Variants in AKAP6 observed in about 807,000 individuals in gnomAD.
AKAP6 encodes A-kinase anchoring protein 6.
AKAP6 carries 58 observed loss-of-function variants against 188.5 expected under a neutral mutation model. That is an observed-to-expected ratio of 0.31 (90% confidence interval 0.25 to 0.38). The LOEUF is 0.38. Among genes scored for constraint, AKAP6 ranks in the 10% least tolerant of loss-of-function variants. The probability of loss-of-function intolerance (pLI) is 1.00; values close to 1 mark genes in which losing one functional copy is unlikely to be tolerated. For missense variants in AKAP6, 2,710 were observed against 2,740.0 expected, an observed-to-expected ratio of 0.99 and a Z score of 0.24; for synonymous variants, 989 against 998.6, an observed-to-expected ratio of 0.99 and a Z score of 0.18.
intron 13 of AKAP6, among the ~76,000 whole-genome samples, chr14:32,828,414 A>T (rs1371465625): frequency 1.3e-5 from 2 of 152,134 alleles, no homozygotes; most frequent in Non-Finnish European, 2.9e-5. Flanking sequence ...GTTTTGCTGG[A>T]TGTGAAGTGT....
At chr14:32,523,727 C>T (rs1430134479) in intron 2 of AKAP6, among the ~76,000 whole-genome samples, 1 of 146,730 alleles carries the variant, frequency 6.8e-6, no homozygotes, top group Admixed American at 6.9e-5. Flanking sequence ...CTCAGCCTCT[C>T]AAAGTGCCAG....
At chr14:32,572,555 A>C (rs905908472) in intron 4 of AKAP6, among the ~76,000 whole-genome samples, 1 of 152,204 alleles carries the variant, frequency 6.6e-6, no homozygotes, top group Non-Finnish European at 1.5e-5. Context: ...TATTTAACCA[A>C]ACAAGGCTTG....
At chr14:32,501,305 C>A (rs1365848812) in intron 2 of AKAP6, among the ~76,000 whole-genome samples, 1 of 152,066 alleles carries the variant, frequency 6.6e-6, no homozygotes, top group Non-Finnish European at 1.5e-5. Flanking sequence ...TCAATTTGGA[C>A]TAGCAAAAAC....
intron 12 of AKAP6, among the ~76,000 whole-genome samples, chr14:32,813,476 C>T (rs370773185): frequency 6.7e-6 from 1 of 149,356 alleles, no homozygotes. Flanking sequence ...TGGTGACCAC[C>T]CCCAACCTGA....
intron 2 of AKAP6, among the ~76,000 whole-genome samples, chr14:32,530,558 C>A (rs556288496): frequency 2.0e-5 from 3 of 151,990 alleles, no homozygotes; most frequent in African/African-American, 7.2e-5. Flanking sequence ...CACAGGGAAA[C>A]CTTTAAGATG....
chr14:32,732,439 C>T lies in AKAP6; in HGVS notation c.3001-15C>T, dbSNP rs1313252798. ...TCTCTCCCTAATGATATCTCTTTTT[C>T]TCTTTTCATTTTAGCGATACAGTGT... On this transcript the variant is annotated splice_polypyrimidine_tract_variant and intron_variant, in intron 9 of 13. Coordinates refer to ENST00000280979, the MANE Select transcript of AKAP6 (RefSeq NM_004274.5). 1 of 1,602,268 alleles carries T rather than the reference C, an allele frequency of 6.2e-7. No homozygotes were observed. The highest frequency in any genetic ancestry group is 8.5e-7 in the Non-Finnish European group (1 of 1,175,602).
intron 9 of AKAP6, among the ~76,000 whole-genome samples, chr14:32,720,506 T>C (rs1412255412): frequency 6.6e-6 from 1 of 152,224 alleles, no homozygotes; most frequent in Non-Finnish European, 1.5e-5. Context: ...ACTGTTGTGT[T>C]TGAAGTTTGC....
intron 12 of AKAP6, chr14:32,774,132 C>T (rs2032983491): frequency 1.9e-6 from 1 of 525,418 alleles, no homozygotes; most frequent in Non-Finnish European, 3.4e-6. Context: ...TATTAAAATT[C>T]CTTTAGTGTA....
intron 1 of AKAP6, among the ~76,000 whole-genome samples, chr14:32,341,236 G>A (rs12435388): frequency 9.2e-5 from 14 of 151,888 alleles, no homozygotes; most frequent in Non-Finnish European, 1.8e-4. Context: ...TTAATGAGTT[G>A]GGTGAAGTAT....
intron 12 of AKAP6, among the ~76,000 whole-genome samples, chr14:32,778,921 AAAAAT>A (rs962630365): frequency 1.3e-5 from 2 of 151,796 alleles, no homozygotes; most frequent in African/African-American, 4.8e-5. Flanking sequence ...TCATTTAAAA[AAAAAT>A]AAAAGAAAAA....
chr14:32,795,989 C>T (rs1158454520), intron 12 of AKAP6, among the ~76,000 whole-genome samples: 1 of 152,072 alleles, frequency 6.6e-6, no homozygotes, highest in East Asian at 1.9e-4. Flanking sequence ...ATACCAACAA[C>T]AGGTAAGCAG....
At position 32,339,845 on chromosome 14, in the gene AKAP6, C is replaced by T. The variant is rs8012671; in HGVS notation, c.-35+10437C>T. On this transcript the variant is annotated intron_variant, in intron 1 of 13. Transcript: ENST00000280979. The stretch of plus-strand genomic sequence containing the variant: ...AAGGAATAATTAAGAGAGCCTAATT[C>T]TATACTTATTTTGAATTAGATTCAA... Among the ~76,000 whole-genome samples the T allele has an allele frequency of 6.1e-3, 932 of 152,172 alleles. 12 individuals are homozygous for T. The highest frequency in any genetic ancestry group is 0.02 in the African/African-American group (843 of 41,510).
chr14:32,710,368 A>G (rs1941239387), intron 9 of AKAP6, among the ~76,000 whole-genome samples: 1 of 151,988 alleles, frequency 6.6e-6, no homozygotes, highest in Admixed American at 6.6e-5. Flanking sequence ...GTGGCTATCT[A>G]TTTTTAATAC....
At chr14:32,596,530 C>T (rs1004873697) in intron 5 of AKAP6, among the ~76,000 whole-genome samples, 7 of 152,148 alleles carry the variant, frequency 4.6e-5, no homozygotes, top group Non-Finnish European at 7.3e-5. Flanking sequence ...CATTCATCTA[C>T]GTGCTGCTTT....
intron 7 of AKAP6, among the ~76,000 whole-genome samples, chr14:32,615,159 C>T (rs180868050): frequency 0.014 from 390 of 28,310 alleles, 5 homozygotes; most frequent in African/African-American, 0.084. Flanking sequence ...CAGAGCAAGA[C>T]TCTGTCTCAA....
chr14:32,732,528 A>C lies in AKAP6; in HGVS notation c.3075A>C (p.Lys1025Asn), dbSNP rs531037983. The change falls in exon 10 of 14, where the codon AAA becomes AAC. Residue 1025 changes from lysine (K) to asparagine (N), a missense_variant. By Grantham distance (94) the Lys-to-Asn change is moderately conservative. Around this residue, in one of 2 missense-constraint regions of AKAP6, gnomAD observed 2,473 missense variants for 2,426.1 expected, o/e 1.02. Coordinates refer to ENST00000280979, the MANE Select transcript of AKAP6 (RefSeq NM_004274.5). ...ELLSKVEALK[K>N]GGVLLPNDLL... ...TTAGTAAGGTTGAAGCTTTGAAGAAAGGTGGCGTTTTACTACCAAATGATC... is the reference window on the plus strand; with the variant it reads ...TTAGTAAGGTTGAAGCTTTGAAGAACGGTGGCGTTTTACTACCAAATGATC... The C allele has an allele frequency of 3.1e-6, 5 of 1,613,656 alleles. No homozygotes were observed. In the South Asian group the frequency reaches 5.5e-5, roughly 18 times the overall value.
intron 12 of AKAP6, among the ~76,000 whole-genome samples, chr14:32,797,711 A>G (rs1229646921): frequency 6.6e-6 from 1 of 152,048 alleles, no homozygotes; most frequent in Non-Finnish European, 1.5e-5. Context: ...TGTGCAGCAA[A>G]CCACCATGGC....
At chr14:32,787,315 A>T (rs1320398110) in intron 12 of AKAP6, among the ~76,000 whole-genome samples, 1 of 152,220 alleles carries the variant, frequency 6.6e-6, no homozygotes, top group Non-Finnish European at 1.5e-5. Context: ...AATCTGACGA[A>T]TGATTTCAGA....
chr14:32,632,527 G>A (rs1408836764), intron 7 of AKAP6, among the ~76,000 whole-genome samples: 3 of 152,082 alleles, frequency 2.0e-5, no homozygotes, highest in Non-Finnish European at 4.4e-5. Context: ...TAAAGAGAAT[G>A]TTCTAGTATC....
Sources: gnomAD v4.1 joint callset for allele counts (sites outside exome capture counted in the v4.1 genomes callset) on GRCh38, gnomAD v4.1.1 for gene constraint, gnomAD v4.1.1 regional missense constraint, MANE v1.5 for transcripts, NCBI Gene and HGNC (gene_info 2026-07-23, HGNC 2026-07-21) for gene names.